KCNIP4: variants seen among roughly 807,000 people sequenced by gnomAD.
KCNIP4 encodes the protein potassium voltage-gated channel interacting protein 4, also known as Kv channel-interacting protein 4.
In KCNIP4, 12 loss-of-function variants were observed where a neutral mutation model predicts 34.0. That is an observed-to-expected ratio of 0.35 (90% CI 0.23 to 0.57). The LOEUF is 0.57. KCNIP4 is among the 20% of genes least tolerant of loss of function. The probability of loss-of-function intolerance (pLI) is 0.83; values close to 1 mark genes in which losing one functional copy is unlikely to be tolerated. For missense variants in KCNIP4, 238 were observed against 311.7 expected (o/e 0.76, Z 1.78); for synonymous variants, 124 against 102.2 (o/e 1.21, Z -1.29).
intron 1 of KCNIP4, among the ~76,000 whole-genome samples, chr4:20,949,402 C>G (rs983432334): frequency 6.6e-6 from 1 of 152,150 alleles, no homozygotes; most frequent in Non-Finnish European, 1.5e-5. Flanking sequence ...TTGGATGATG[C>G]AAAGATTGGA....
intron 1 of KCNIP4, 99 bp from the exon 2 acceptor site, chr4:20,882,808 C>A (rs906307020): frequency 3.5e-6 from 3 of 847,252 alleles, no homozygotes; most frequent in South Asian, 3.2e-5. Context: ...GGATCAGGGA[C>A]GCAGCCATCC....
At chr4:21,654,971 G>C (rs897660971) in intron 1 of KCNIP4, among the ~76,000 whole-genome samples, 1 of 151,786 alleles carries the variant, frequency 6.6e-6, no homozygotes, top group African/African-American at 2.4e-5. Context: ...GTCTGCAAAG[G>C]GTGGAAAGAA....
At chr4:20,949,715 A>G (rs375285236) in intron 1 of KCNIP4, among the ~76,000 whole-genome samples, 6 of 151,924 alleles carry the variant, frequency 3.9e-5, no homozygotes, top group Non-Finnish European at 5.9e-5. Flanking sequence ...GTAGGGACAT[A>G]GATGAAATTG....
At chr4:21,559,858 A>T (rs1347680941) in intron 1 of KCNIP4, among the ~76,000 whole-genome samples, 2 of 152,148 alleles carry the variant, frequency 1.3e-5, no homozygotes, top group Non-Finnish European at 2.9e-5. Flanking sequence ...TCTTTCTCCC[A>T]TTCTCTCACA....
chr4:21,082,402 G>T (rs934844295), intron 1 of KCNIP4, among the ~76,000 whole-genome samples: 2 of 151,714 alleles, frequency 1.3e-5, no homozygotes, highest in African/African-American at 4.9e-5. Flanking sequence ...TGCACCCATT[G>T]TCCCATAGTT....
chr4:21,139,601 A>G (rs1360378669), intron 1 of KCNIP4, among the ~76,000 whole-genome samples: 3 of 152,154 alleles, frequency 2.0e-5, no homozygotes, highest in African/African-American at 4.8e-5. Flanking sequence ...CCAAAGAGAC[A>G]TGACTTTCCA....
At chr4:21,529,874 T>C (rs1382943639) in intron 1 of KCNIP4, among the ~76,000 whole-genome samples, 1 of 152,170 alleles carries the variant, frequency 6.6e-6, no homozygotes, top group Non-Finnish European at 1.5e-5. Context: ...TAAGCTTTGA[T>C]CATGTTCAGT....
At chr4:20,835,924 A>C (rs1718983905) in intron 3 of KCNIP4, among the ~76,000 whole-genome samples, 1 of 152,214 alleles carries the variant, frequency 6.6e-6, no homozygotes, top group African/African-American at 2.4e-5. Context: ...TATTTATAAA[A>C]TATAGATTAA....
intron 1 of KCNIP4, among the ~76,000 whole-genome samples, chr4:21,621,714 G>A (rs895267737): frequency 1.3e-5 from 2 of 152,030 alleles, no homozygotes; most frequent in Admixed American, 1.3e-4. Context: ...TAGACAATGA[G>A]GCTTAAGCTT....
At chr4:21,691,069 C>T (rs895874582) in intron 1 of KCNIP4, among the ~76,000 whole-genome samples, 2 of 152,148 alleles carry the variant, frequency 1.3e-5, no homozygotes, top group Non-Finnish European at 2.9e-5. Context: ...GGGGAAGCAA[C>T]ATGACCACTG....
At chr4:20,826,767 A>G (rs1329622731) in intron 3 of KCNIP4, among the ~76,000 whole-genome samples, 2 of 152,218 alleles carry the variant, frequency 1.3e-5, no homozygotes, top group Non-Finnish European at 2.9e-5. Context: ...GGATACTATC[A>G]TTGATAGAAC....
chr4:21,607,227 G>C (rs149311118), intron 1 of KCNIP4, among the ~76,000 whole-genome samples: 1 of 151,946 alleles, frequency 6.6e-6, no homozygotes, highest in Non-Finnish European at 1.5e-5. Context: ...GTCTCTCCAC[G>C]CCTCAGTTTC....
At chr4:21,669,058 T>C (rs1749255313) in intron 1 of KCNIP4, among the ~76,000 whole-genome samples, 1 of 152,198 alleles carries the variant, frequency 6.6e-6, no homozygotes, top group African/African-American at 2.4e-5. Context: ...GGAATACTTT[T>C]ATGATAATCC....
At chr4:20,846,035 G>A (rs1202675716) in intron 3 of KCNIP4, among the ~76,000 whole-genome samples, 3 of 151,952 alleles carry the variant, frequency 2.0e-5, no homozygotes, top group Non-Finnish European at 4.4e-5. Context: ...ATTGTTACAC[G>A]GCAACAGAAA....
intron 1 of KCNIP4, among the ~76,000 whole-genome samples, chr4:21,103,247 G>A (rs1748112858): frequency 1.3e-5 from 2 of 148,790 alleles, no homozygotes; most frequent in Non-Finnish European, 3.0e-5. Flanking sequence ...TCAAAGTTAA[G>A]TAAATTTATG....
At chr4:21,265,754 G>A (rs1761764864) in intron 1 of KCNIP4, among the ~76,000 whole-genome samples, 3 of 152,110 alleles carry the variant, frequency 2.0e-5, no homozygotes, top group African/African-American at 4.8e-5. Context: ...CTATTTGATG[G>A]GTGGAAGGAC....
chr4:20,757,536 C>G (rs959381222), intron 4 of KCNIP4, among the ~76,000 whole-genome samples: 22 of 152,310 alleles, frequency 1.4e-4, no homozygotes, highest in African/African-American at 4.8e-4. Context: ...ACTCTCTACC[C>G]TAGCCACACC....
At chr4:21,253,950 G>T (rs767492668) in intron 1 of KCNIP4, among the ~76,000 whole-genome samples, 33 of 152,128 alleles carry the variant, frequency 2.2e-4, no homozygotes, top group Non-Finnish European at 3.8e-4. Flanking sequence ...AGACACAAAA[G>T]GTCACAGGTT....
chr4:21,769,806 A>ACTT (rs1434028885), intron 1 of KCNIP4, among the ~76,000 whole-genome samples: 2 of 152,108 alleles, frequency 1.3e-5, no homozygotes, highest in Non-Finnish European at 2.9e-5. Context: ...AGCATTCCAC[A>ACTT]CTTATAAATT....
Sources: allele counts gnomAD v4.1 joint callset (sites outside exome capture counted in the v4.1 genomes callset), GRCh38; gene constraint gnomAD v4.1.1; transcripts MANE v1.5; gene names NCBI Gene and HGNC (gene_info 2026-07-23, HGNC 2026-07-21).